Variants in SHROOM2 observed in about 807,000 individuals in gnomAD.
SHROOM2 encodes the protein protein Shroom2.
A neutral mutation model predicts 75.9 loss-of-function variants in SHROOM2; 33 were observed. The ratio of observed to expected loss-of-function variants is 0.43; its 90% CI spans 0.33 to 0.58. SHROOM2 has a LOEUF of 0.58. Among genes scored for constraint, SHROOM2 ranks in the 20% least tolerant of loss-of-function variants. The pLI is 0.04. For synonymous variants in SHROOM2, 655 were observed against 663.6 expected, an observed-to-expected ratio of 0.99 and a Z score of 0.20; for missense variants, 1,434 against 1,461.2, an observed-to-expected ratio of 0.98 and a Z score of 0.30.
At chrX:9,789,558 G>A (rs988687280) in intron 1 of SHROOM2, among the ~76,000 whole-genome samples, 7 of 111,262 alleles carry the variant, frequency 6.3e-5, no homozygotes, top group African/African-American at 2.3e-4. Context: ...TTTTTTGCAT[G>A]TTTCTGTTCC....
At chrX:9,847,185 G>A (rs989297086) in intron 1 of SHROOM2, among the ~76,000 whole-genome samples, 1 of 112,406 alleles carries the variant, frequency 8.9e-6, no homozygotes, top group African/African-American at 3.2e-5. Context: ...CAACCCCAGT[G>A]AAGAGGAACT....
intron 1 of SHROOM2, among the ~76,000 whole-genome samples, chrX:9,797,908 A>G (rs192781520): frequency 8.9e-6 from 1 of 112,036 alleles, no homozygotes; most frequent in African/African-American, 3.2e-5. Flanking sequence ...TTAAAATGCA[A>G]ATGTTGCCTG....
At chrX:9,843,782 C>T (rs2083991963) in intron 1 of SHROOM2, among the ~76,000 whole-genome samples, 2 of 112,552 alleles carry the variant, frequency 1.8e-5, no homozygotes, top group Admixed American at 9.4e-5. Flanking sequence ...ATTGATGACT[C>T]TGACCTTTTT....
At chrX:9,797,412 T>G (rs1272464445) in intron 1 of SHROOM2, among the ~76,000 whole-genome samples, 2 of 112,546 alleles carry the variant, frequency 1.8e-5, no homozygotes, top group Non-Finnish European at 3.8e-5. Flanking sequence ...TTTGGATTAC[T>G]TGCTGTAACA....
At chrX:9,849,128 C>T (rs1286557125) in intron 1 of SHROOM2, among the ~76,000 whole-genome samples, 4 of 111,729 alleles carry the variant, frequency 3.6e-5, no homozygotes, top group African/African-American at 6.5e-5. Flanking sequence ...CATCCCAGGG[C>T]GGCCTCCTTT....
At position 9,896,659 on chromosome X, in the gene SHROOM2, G is replaced by A; in HGVS notation, c.2751G>A (p.Gly917=). 1 of 1,200,925 alleles carries A rather than the reference G, an allele frequency of 8.3e-7. No homozygotes were observed. The highest frequency in any genetic ancestry group is 3.0e-5 in the East Asian group (1 of 33,490). Residue 917 remains glycine (G), a synonymous_variant, in exon 4 of 10, where the codon GGG becomes GGA. Coordinates refer to ENST00000380913, the MANE Select transcript of SHROOM2 (RefSeq NM_001649.4). The part of the protein sequence containing the change: ...DPQERPQHVH[G]RSRSSPSTDH... ...AGGAGAGGCCGCAGCACGTTCATGG[G>A]AGGTCCCGGTCTTCACCGTCCACAG...
chrX:9,842,174 T>C (rs2083982612), intron 1 of SHROOM2, among the ~76,000 whole-genome samples: 1 of 111,854 alleles, frequency 8.9e-6, no homozygotes, highest in Non-Finnish European at 1.9e-5. Flanking sequence ...ATTTATAACT[T>C]CCTGAGATTC....
At chrX:9,814,826 C>T (rs752731674) in intron 1 of SHROOM2, among the ~76,000 whole-genome samples, 1 of 111,837 alleles carries the variant, frequency 8.9e-6, no homozygotes, top group South Asian at 3.8e-4. Flanking sequence ...CTATTCTTTT[C>T]GAATCAATGC....
intron 1 of SHROOM2, among the ~76,000 whole-genome samples, chrX:9,794,460 C>T (rs999046368): frequency 9.0e-6 from 1 of 111,473 alleles, no homozygotes; most frequent in Non-Finnish European, 1.9e-5. Flanking sequence ...ACCTCCGCCT[C>T]CCAGGCTCAA....
intron 1 of SHROOM2, among the ~76,000 whole-genome samples, chrX:9,793,989 C>T (rs1432022958): frequency 8.9e-6 from 1 of 111,841 alleles, no homozygotes; most frequent in African/African-American, 3.2e-5. Flanking sequence ...AAGTGATCCT[C>T]CCACCTTGGC....
chrX:9,811,315 C>T (rs763830284), intron 1 of SHROOM2, among the ~76,000 whole-genome samples: 31 of 111,831 alleles, frequency 2.8e-4, no homozygotes, highest in Non-Finnish European at 4.9e-4. Context: ...TCCGTCCCTG[C>T]CACCATGGCC....
chrX:9,915,758 G>A (rs1044305757), intron 5 of SHROOM2, among the ~76,000 whole-genome samples: 1 of 112,119 alleles, frequency 8.9e-6, no homozygotes, highest in Non-Finnish European at 1.9e-5. Context: ...TTAATGTCAT[G>A]TACAACAAAT....
intron 5 of SHROOM2, among the ~76,000 whole-genome samples, chrX:9,916,185 C>T (rs759501004): frequency 8.9e-6 from 1 of 111,877 alleles, no homozygotes; most frequent in Admixed American, 9.5e-5. Context: ...AACAAATCAC[C>T]CTCAATCCTA....
chrX:9,944,723 A>G lies in SHROOM2; in HGVS notation c.4394A>G (p.Asn1465Ser). ...AGCCTGCTGGAGGACGTGCAGGCCA[A>G]CACCGTGCTGGGGGCCGAGGTGGAG... ...RESLLEDVQA[N>S]TVLGAEVEAI... Residue 1465 changes from asparagine (N) to serine (S), a missense_variant, in exon 9 of 10, where the codon AAC (asparagine) becomes AGC (serine). Asn to Ser is a conservative substitution (Grantham distance 46). This residue lies in a region of SHROOM2 where 1,340 missense variants were observed against 1,338.3 expected (regional missense o/e 1.00). Transcript: ENST00000380913. 8.3e-7 allele frequency: 1 copy of G among 1,211,922 alleles called. No individual in the cohort carries two copies. Among genetic ancestry groups the G allele is most frequent in the Non-Finnish European group, 1.1e-6 (1 of 895,416 alleles).
rs56026461 is a variant in SHROOM2, at chrX:9,897,680, C to CAAAAAAAAAAAAAAAA, written c.2791-505_2791-490dup. Among the ~76,000 whole-genome samples the CAAAAAAAAAAAAAAAA allele has an allele frequency of 4.5e-4, 32 of 70,578 alleles. 1 individual carries two copies. The highest frequency in any genetic ancestry group is 1.9e-3 in the African/African-American group (31 of 16,641). 61.3% of individuals were successfully genotyped at this position (70,578 alleles called of 115,157 possible). A position where few individuals can be genotyped will look rare whatever the true frequency, so the allele number is the denominator to read the frequency against. ...TGGGCAAAAGAGCAAGACCCTGTCT[C>CAAAAAAAAAAAAAAAA]AAAAAAAAAAAAAAAAAAAAGAACC... On this transcript the variant is annotated intron_variant, in intron 4 of 9. Coordinates refer to ENST00000380913, the MANE Select transcript of SHROOM2 (RefSeq NM_001649.4).
Position 9,937,157 on chromosome X carries a change from A to G in SHROOM2, c.3611A>G (p.Asn1204Ser), listed in dbSNP as rs775987170. The G allele has an allele frequency of 8.4e-7, 1 of 1,197,458 alleles. No individual in the cohort carries two copies. The highest frequency in any genetic ancestry group is 3.0e-5 in the East Asian group (1 of 33,204). ...AGAATTGAGCGGGTGATGGACAACA[A>G]CACCACGGTGAAGATGGTGCCCATC... ...STRIERVMDN[N>S]TTVKMVPIKI... Residue 1204 changes from asparagine (N) to serine (S), a missense_variant, in exon 7 of 10, where the codon AAC (asparagine) becomes AGC (serine). By Grantham distance (46) the Asn-to-Ser change is conservative. Transcript: ENST00000380913.
chrX:9,918,180 C>T (rs1157829870), intron 5 of SHROOM2, among the ~76,000 whole-genome samples: 3 of 112,799 alleles, frequency 2.7e-5, no homozygotes, highest in African/African-American at 6.4e-5. Flanking sequence ...TTAGCATTCC[C>T]GAGGTCGGGT....
At chrX:9,915,797 T>G (rs113050809) in intron 5 of SHROOM2, among the ~76,000 whole-genome samples, 24 of 112,422 alleles carry the variant, frequency 2.1e-4, no homozygotes, top group African/African-American at 7.7e-4. Context: ...AAACAATCCA[T>G]TTCCGATTCT....
intron 5 of SHROOM2, among the ~76,000 whole-genome samples, chrX:9,931,812 C>T (rs937257107): frequency 9.8e-5 from 11 of 111,797 alleles, no homozygotes; most frequent in African/African-American, 3.6e-4. Context: ...ATTTCTGAAT[C>T]TAGCTGTATG....
Sources: gnomAD v4.1 joint callset for allele counts (sites outside exome capture counted in the v4.1 genomes callset) on GRCh38, gnomAD v4.1.1 for gene constraint, gnomAD v4.1.1 regional missense constraint, MANE v1.5 for transcripts, NCBI Gene and HGNC (gene_info 2026-07-23, HGNC 2026-07-21) for gene names.